Variants in GOLM2 observed in about 807,000 individuals in gnomAD.
GOLM2 encodes the protein golgi membrane protein 2, also known as protein GOLM2.
A neutral mutation model predicts 55.9 loss-of-function variants in GOLM2; 26 were observed. The ratio of observed to expected loss-of-function variants is 0.47; its 90% confidence interval spans 0.34 to 0.65. GOLM2 has a LOEUF of 0.65. Ranked by LOEUF, GOLM2 falls within the 30% of genes least tolerant of loss-of-function variation. GOLM2 has a pLI of 0.01. For synonymous variants in GOLM2, 165 were observed against 194.6 expected, an observed-to-expected ratio of 0.85 and a Z score of 1.27; for missense variants, 486 against 531.8, an observed-to-expected ratio of 0.91 and a Z score of 0.85.
intron 1 of GOLM2, among the ~76,000 whole-genome samples, chr15:44,291,307 C>T (rs1237782855): frequency 6.6e-6 from 1 of 152,070 alleles, no homozygotes; most frequent in Non-Finnish European, 1.5e-5. Flanking sequence ...CAGTTTGTTT[C>T]ACTTTTTACC....
intron 1 of GOLM2, among the ~76,000 whole-genome samples, chr15:44,297,803 C>T (rs1209730593): frequency 1.3e-5 from 2 of 149,906 alleles, no homozygotes; most frequent in African/African-American, 4.9e-5. Flanking sequence ...CTCCTGACCT[C>T]ATGATCCACC....
At chr15:44,325,928 G>A (rs903024771) in intron 2 of GOLM2, among the ~76,000 whole-genome samples, 2 of 152,110 alleles carry the variant, frequency 1.3e-5, no homozygotes, top group African/African-American at 2.4e-5. Flanking sequence ...GAGATGGGGG[G>A]TAAATCAACC....
At chr15:44,352,053 A>G (rs1226323899) in intron 6 of GOLM2, among the ~76,000 whole-genome samples, 1 of 152,220 alleles carries the variant, frequency 6.6e-6, no homozygotes, top group Non-Finnish European at 1.5e-5. Flanking sequence ...CATTCTTCCC[A>G]GAAATGGAAA....
chr15:44,311,960 G>A lies in GOLM2; in HGVS notation c.328-11005G>A, dbSNP rs530634583. Among the ~76,000 whole-genome samples the A allele has an allele frequency of 5.0e-3, 760 of 152,128 alleles. 6 individuals are homozygous for A. Among genetic ancestry groups the A allele is most frequent in the African/African-American group, 0.017 (721 of 41,510 alleles). The stretch of plus-strand genomic sequence containing the variant: ...CCACCATGCCAAGTCGTTAACATAG[G>A]ATTTCAAATCCTTGAAATTTAAAGT... On this transcript the variant is annotated intron_variant, in intron 1 of 9. Transcript: ENST00000299957.
intron 8 of GOLM2, among the ~76,000 whole-genome samples, chr15:44,387,110 G>A (rs2079451254): frequency 6.6e-6 from 1 of 151,698 alleles, no homozygotes; most frequent in African/African-American, 2.4e-5. Flanking sequence ...AGGAGGCAGA[G>A]GCTGCAGGGA....
At chr15:44,399,068 G>A (rs2141211347) in intron 8 of GOLM2, among the ~76,000 whole-genome samples, 1 of 152,186 alleles carries the variant, frequency 6.6e-6, no homozygotes, top group South Asian at 2.1e-4. Context: ...CCCCATCTTT[G>A]TTCTTACCTG....
intron 8 of GOLM2, chr15:44,387,183 GAAAAAAAAAA>G (rs766969483): frequency 1.1e-5 from 1 of 88,822 alleles, no homozygotes; most frequent in East Asian, 3.4e-4. Flanking sequence ...ACCTTGTCTG[GAAAAAAAAAA>G]AAAAAAAAAA....
At chr15:44,384,893 G>GC (rs1011370800) in intron 8 of GOLM2, among the ~76,000 whole-genome samples, 1 of 151,372 alleles carries the variant, frequency 6.6e-6, no homozygotes, top group Non-Finnish European at 1.5e-5. Flanking sequence ...TGGCAACAGA[G>GC]CGAGACTGCA....
chr15:44,297,023 C>G (rs558447353), intron 1 of GOLM2, among the ~76,000 whole-genome samples: 8 of 152,308 alleles, frequency 5.3e-5, no homozygotes, highest in African/African-American at 1.7e-4. Flanking sequence ...AAACGATATC[C>G]CTTTCCTACC....
chr15:44,316,007 G>T (rs1045750350), intron 1 of GOLM2, among the ~76,000 whole-genome samples: 2 of 152,132 alleles, frequency 1.3e-5, no homozygotes, highest in Non-Finnish European at 2.9e-5. Context: ...AGTGTTTATG[G>T]GTATCAGGAA....
chr15:44,403,482 G>C (rs981361203), intron 9 of GOLM2, among the ~76,000 whole-genome samples: 2 of 152,106 alleles, frequency 1.3e-5, no homozygotes, highest in Non-Finnish European at 2.9e-5. Context: ...TTAATACAAA[G>C]AGGTTCTGTG....
intron 1 of GOLM2, among the ~76,000 whole-genome samples, chr15:44,310,323 G>A (rs1461400134): frequency 6.6e-6 from 1 of 151,680 alleles, no homozygotes; most frequent in Admixed American, 6.6e-5. Flanking sequence ...GGGATGAAAG[G>A]GTACTCACAA....
chr15:44,337,397 C>T (rs927673658), intron 4 of GOLM2, among the ~76,000 whole-genome samples: 2 of 151,862 alleles, frequency 1.3e-5, no homozygotes, highest in East Asian at 1.9e-4. Context: ...CATATGCTTA[C>T]AGAGAACCCA....
intron 6 of GOLM2, among the ~76,000 whole-genome samples, chr15:44,351,976 A>G (rs756204674): frequency 6.6e-6 from 1 of 152,222 alleles, no homozygotes; most frequent in Admixed American, 6.5e-5. Flanking sequence ...GGAAGAATCA[A>G]TATTGTTAAA....
intron 6 of GOLM2, chr15:44,355,222 G>T: frequency 6.1e-6 from 1 of 164,772 alleles, no homozygotes; most frequent in Non-Finnish European, 1.3e-5. Flanking sequence ...CACAGTCCCT[G>T]CTATCACTGC....
At chr15:44,343,778 C>T (rs183121336) in intron 6 of GOLM2, among the ~76,000 whole-genome samples, 59 of 148,778 alleles carry the variant, frequency 4.0e-4, no homozygotes, top group Admixed American at 2.1e-3. Flanking sequence ...GAACTGAGAT[C>T]GCGCCACTAC....
Position 44,332,014 on chromosome 15 carries a change from A to G in GOLM2, c.512A>G (p.Glu171Gly), listed in dbSNP as rs1359532610. ...TTTCAGTGTGGACAGCAGATGAAGG[A>G]ATTGAGAGCACAGCATGAAGAAAAT... Reference protein sequence around the residue: ...ESFQCGQQMKELRAQHEENIK... With the variant: ...ESFQCGQQMKGLRAQHEENIK... The change falls in exon 4 of 10, where the codon GAA becomes GGA. Residue 171 changes from glutamate (E) to glycine (G), a missense_variant. Transcript: ENST00000299957. 1.2e-6 allele frequency: 2 copies of G among 1,606,398 alleles called. No individual in the cohort carries two copies. Among genetic ancestry groups the G allele is most frequent in the South Asian group, 1.1e-5 (1 of 90,004 alleles).
In GOLM2 at chr15:44,288,760, G is replaced by A; in HGVS notation, c.-270G>A. ...GAGGTGTTGGGTTTGGGGGACGCTGGCAGCTGGGTTCTCCCGGTTCCCTTG... is the reference window on the plus strand; with the variant it reads ...GAGGTGTTGGGTTTGGGGGACGCTGACAGCTGGGTTCTCCCGGTTCCCTTG... On this transcript the variant is annotated 5_prime_UTR_variant, in exon 1 of 10. Coordinates refer to ENST00000299957, the MANE Select transcript of GOLM2 (RefSeq NM_138423.4). 2.1e-6 allele frequency: 1 copy of A among 484,350 alleles called. No individual in the cohort carries two copies. The allele number at this position is 484,350 out of a possible 1,614,324, so 30.0% of individuals were successfully genotyped here.
chr15:44,380,664 TTA>T, intron 7 of GOLM2, 140 bp from the exon 8 acceptor site: 8 of 523,740 alleles, frequency 1.5e-5, no homozygotes, highest in African/African-American at 2.0e-5. Context: ...GAATAAACCT[TTA>T]AAAAAAAAAA....
Sources: gnomAD v4.1 joint callset for allele counts (sites outside exome capture counted in the v4.1 genomes callset) on GRCh38, gnomAD v4.1.1 for gene constraint, MANE v1.5 for transcripts, NCBI Gene and HGNC (gene_info 2026-07-23, HGNC 2026-07-21) for gene names.